The following RIT2 variants were observed in gnomAD, a reference collection of about 807,000 sequenced individuals.
The protein encoded by RIT2 is Ras like without CAAX 2.
RIT2 carries 24 observed loss-of-function variants against 23.7 expected under a neutral mutation model. The ratio of observed to expected loss-of-function variants is 1.01; its 90% CI spans 0.73 to 1.43. The LOEUF is 1.43. RIT2 is among the 40% of genes most tolerant of loss of function. RIT2 has a pLI of 0.00. For synonymous variants in RIT2, 107 were observed against 91.1 expected (o/e 1.17, Z -0.99); for missense variants, 236 against 266.9 (o/e 0.88, Z 0.81).
intron 1 of RIT2, among the ~76,000 whole-genome samples, chr18:43,081,852 C>G (rs1391256080): frequency 6.6e-6 from 1 of 152,018 alleles, no homozygotes; most frequent in Non-Finnish European, 1.5e-5. Flanking sequence ...TGCTATTTAA[C>G]TTTTCTTCTT....
chr18:42,938,775 C>T (rs1434482147), intron 3 of RIT2, among the ~76,000 whole-genome samples: 1 of 152,096 alleles, frequency 6.6e-6, no homozygotes, highest in Non-Finnish European at 1.5e-5. Context: ...ATCTTGCTCT[C>T]TTGCCCAGGG....
chr18:42,752,991 C>G (rs1218190281), intron 4 of RIT2, among the ~76,000 whole-genome samples: 1 of 152,098 alleles, frequency 6.6e-6, no homozygotes, highest in Non-Finnish European at 1.5e-5. Context: ...ATATATATGA[C>G]CTTTTTCACC....
At chr18:43,046,805 T>C (rs1225925584) in intron 1 of RIT2, among the ~76,000 whole-genome samples, 1 of 152,170 alleles carries the variant, frequency 6.6e-6, no homozygotes, top group Admixed American at 6.5e-5. Flanking sequence ...CAGAAACAGA[T>C]AGACAAATGC....
chr18:42,790,334 A>T (rs16976884), intron 4 of RIT2, among the ~76,000 whole-genome samples: 5,107 of 152,340 alleles, frequency 0.034, 308 homozygotes, highest in East Asian at 0.23. Context: ...CATCTTTGCC[A>T]CTAGACACAT....
At chr18:43,105,423 T>G (rs991089535) in intron 1 of RIT2, among the ~76,000 whole-genome samples, 8 of 79,952 alleles carry the variant, frequency 1.0e-4, no homozygotes, top group Admixed American at 7.3e-4. Flanking sequence ...CTGCCTTAGG[T>G]GGAGGCATGG....
chr18:43,041,453 T>C (rs1469623947), intron 1 of RIT2, among the ~76,000 whole-genome samples: 1 of 152,172 alleles, frequency 6.6e-6, no homozygotes, highest in Non-Finnish European at 1.5e-5. Flanking sequence ...AGGAAGTACC[T>C]GATGGATTTC....
chr18:42,956,263 T>G (rs549492831), intron 3 of RIT2, among the ~76,000 whole-genome samples: 89 of 152,110 alleles, frequency 5.9e-4, no homozygotes, highest in Non-Finnish European at 1.5e-4. Flanking sequence ...TGCTCATGAT[T>G]AAAAGAAATA....
intron 4 of RIT2, among the ~76,000 whole-genome samples, chr18:42,755,879 C>T (rs1464857844): frequency 1.3e-5 from 2 of 152,106 alleles, no homozygotes; most frequent in Admixed American, 6.5e-5. Flanking sequence ...CAAGTAATGC[C>T]CAGCCCTGTC....
At chr18:42,928,991 G>C (rs1909253439) in intron 3 of RIT2, among the ~76,000 whole-genome samples, 1 of 132,018 alleles carries the variant, frequency 7.6e-6, no homozygotes, top group Non-Finnish European at 1.6e-5. Flanking sequence ...TGTAAGATTT[G>C]AGATTGCTAA....
chr18:43,106,168 G>T (rs957812564), intron 1 of RIT2, among the ~76,000 whole-genome samples: 13 of 152,194 alleles, frequency 8.5e-5, no homozygotes, highest in Admixed American at 7.2e-4. Context: ...TCAGGTATAT[G>T]CAAAACTCAG....
At chr18:42,866,815 T>G (rs1009686229) in intron 4 of RIT2, among the ~76,000 whole-genome samples, 1 of 152,154 alleles carries the variant, frequency 6.6e-6, no homozygotes, top group Non-Finnish European at 1.5e-5. Context: ...TAAATGGCTC[T>G]TTTTTGTATT....
intron 2 of RIT2, among the ~76,000 whole-genome samples, chr18:43,031,168 A>C (rs1044353441): frequency 5.3e-5 from 8 of 151,540 alleles, no homozygotes; most frequent in African/African-American, 1.9e-4. Flanking sequence ...TTGTTTTAGC[A>C]ATCCCTCCTC....
intron 2 of RIT2, among the ~76,000 whole-genome samples, chr18:43,025,226 CA>C (rs1282557268): frequency 8.7e-4 from 95 of 108,870 alleles, no homozygotes; most frequent in South Asian, 1.5e-3. Flanking sequence ...CAAAACAAAA[CA>C]AAAAAAAAAC....
At chr18:43,075,486 C>T (rs1014889874) in intron 1 of RIT2, among the ~76,000 whole-genome samples, 16 of 151,906 alleles carry the variant, frequency 1.1e-4, no homozygotes, top group African/African-American at 3.4e-4. Context: ...TGAGAGGCTT[C>T]GATACAACCA....
rs1051806835 is a variant in RIT2, at chr18:42,780,829, T to C, written c.427-37109A>G. Among the ~76,000 whole-genome samples the C allele has an allele frequency of 1.7e-4, 26 of 152,118 alleles. 1 individual carries two copies. The highest frequency in any genetic ancestry group is 6.0e-4 in the African/African-American group (25 of 41,522). ...GAACTAGCTTTTCAGGCTTTTTTTTTTTTTTTTACCCATTGGCCAAGAAGT... is the reference window on the plus strand; with the variant it reads ...GAACTAGCTTTTCAGGCTTTTTTTTCTTTTTTTACCCATTGGCCAAGAAGT... On this transcript the variant is annotated intron_variant, in intron 4 of 4. Transcript: ENST00000326695.
rs533526565 is a variant in RIT2 at position 42,895,131 on chromosome 18, A to G, written c.426+28441T>C. On this transcript the variant is annotated intron_variant, in intron 4 of 4. Transcript: ENST00000326695. ...ATTTTAATCTTATGCAATTAGATATAAGATATGAATTGGAAACTCCTTTCA... is the reference window on the plus strand; with the variant it reads ...ATTTTAATCTTATGCAATTAGATATGAGATATGAATTGGAAACTCCTTTCA... 1.1e-4 allele frequency among the ~76,000 whole-genome samples: 16 copies of G among 152,332 alleles called. No individual in the cohort carries two copies. The South Asian group carries it at 2.1e-3, about 20-fold the overall frequency.
chr18:42,869,550 A>G (rs544850608), intron 4 of RIT2, among the ~76,000 whole-genome samples: 1 of 152,316 alleles, frequency 6.6e-6, no homozygotes, highest in East Asian at 1.9e-4. Context: ...TCTTGCCTTT[A>G]TCATCTCGTC....
intron 4 of RIT2, among the ~76,000 whole-genome samples, chr18:42,780,047 G>GGT (rs1913770815): frequency 3.4e-5 from 2 of 59,568 alleles, no homozygotes; most frequent in African/African-American, 5.9e-5. Flanking sequence ...CAATTTAGAG[G>GGT]TTTTTTTTTT....
intron 3 of RIT2, among the ~76,000 whole-genome samples, chr18:42,945,243 A>G (rs1909700076): frequency 6.6e-6 from 1 of 152,102 alleles, no homozygotes; most frequent in Admixed American, 6.6e-5. Flanking sequence ...ACAATTTAGC[A>G]TTCACTTAAT....
Sources: allele counts gnomAD v4.1 joint callset (sites outside exome capture counted in the v4.1 genomes callset), GRCh38; gene constraint gnomAD v4.1.1; transcripts MANE v1.5; gene names NCBI Gene and HGNC (gene_info 2026-07-23, HGNC 2026-07-21).